ANTXRL: variants seen among roughly 807,000 people sequenced by gnomAD.
The protein encoded by ANTXRL is anthrax toxin receptor-like.
Under a neutral mutation model 75.4 loss-of-function variants are expected in ANTXRL, and 63 were observed. That is an observed-to-expected ratio of 0.84 (90% CI 0.68 to 1.03). ANTXRL has a LOEUF of 1.03. Ranked by LOEUF, ANTXRL falls within the 50% of genes least tolerant of loss-of-function variation. The probability of loss-of-function intolerance (pLI) is 0.00; values close to 1 mark genes in which losing one functional copy is unlikely to be tolerated. For synonymous variants in ANTXRL, 335 were observed against 291.3 expected (o/e 1.15, Z -1.53); for missense variants, 797 against 789.4 (o/e 1.01, Z -0.12).
intron 1 of ANTXRL, among the ~76,000 whole-genome samples, chr10:46,288,981 C>G (rs1385359495): frequency 2.0e-5 from 3 of 152,134 alleles, no homozygotes; most frequent in African/African-American, 7.2e-5. Flanking sequence ...AGGGAATGAC[C>G]CACCACAGCC....
intron 2 of ANTXRL, 95 bp from the exon 3 acceptor site, chr10:46,293,734 G>A (rs1588792761): frequency 2.9e-5 from 30 of 1,024,958 alleles, no homozygotes; most frequent in Middle Eastern, 4.0e-4. Flanking sequence ...GCTCCAAAGC[G>A]GAAGAGTTGG....
intron 5 of ANTXRL, 41 bp from the exon 6 acceptor site, chr10:46,297,211 G>C (rs1837432182): frequency 6.7e-7 from 1 of 1,502,724 alleles, no homozygotes; most frequent in Admixed American, 2.0e-5. Flanking sequence ...GGTCACTCCT[G>C]GTGCCTTTGC....
intron 14 of ANTXRL, 151 bp from the exon 15 acceptor site, chr10:46,311,359 T>A (rs1838411712): frequency 2.6e-6 from 3 of 1,137,686 alleles, no homozygotes; most frequent in Non-Finnish European, 3.5e-6. Context: ...GTCTGCCAAC[T>A]AGGAGGAGTT....
intron 12 of ANTXRL, among the ~76,000 whole-genome samples, chr10:46,308,301 G>T (rs1838212353): frequency 6.6e-6 from 1 of 152,060 alleles, no homozygotes; most frequent in Non-Finnish European, 1.5e-5. Flanking sequence ...GACACATCAG[G>T]AGCAGCCATG....
In ANTXRL at chr10:46,321,665, C is replaced by T. The variant is rs188267366; in HGVS notation, c.1411-7934C>T. Among the ~76,000 whole-genome samples the T allele has an allele frequency of 3.1e-3, 478 of 152,272 alleles. 4 individuals carry two copies. Among genetic ancestry groups the T allele is most frequent in the Non-Finnish European group, 5.0e-3 (340 of 68,034 alleles). On this transcript the variant is annotated intron_variant, in intron 16 of 16. Transcript: ENST00000620264. ...CAGTCAGTGCATCATAAAAAGCTTC[C>T]TTTACCTGGTGAGAATACACTTTGA...
chr10:46,300,771 T>A (rs1477816476), intron 9 of ANTXRL, among the ~76,000 whole-genome samples: 2 of 152,180 alleles, frequency 1.3e-5, no homozygotes, highest in African/African-American at 2.4e-5. Context: ...GTCCCTCTCA[T>A]CAGTCACTTG....
chr10:46,302,606 C>T, intron 9 of ANTXRL, 116 bp from the exon 10 acceptor site: 2 of 707,868 alleles, frequency 2.8e-6, no homozygotes. Flanking sequence ...CAGCTCTTTC[C>T]TTACAGGAGC....
At chr10:46,308,426 T>TCC in intron 12 of ANTXRL, 1 of 72,110 alleles carries the variant, frequency 1.4e-5, no homozygotes, top group Non-Finnish European at 2.8e-5. Flanking sequence ...TCCCCTCCCC[T>TCC]CCTCTCCACT....
chr10:46,295,470 G>GTTAGAA (rs1837312576), intron 3 of ANTXRL, among the ~76,000 whole-genome samples: 1 of 117,918 alleles, frequency 8.5e-6, no homozygotes, highest in African/African-American at 3.0e-5. Flanking sequence ...TTGGGTTAGA[G>GTTAGAA]TTAGAGTTAG....
rs1322394393 is a variant in ANTXRL at position 46,287,129 on chromosome 10, C to T, written c.-134C>T. On this transcript the variant is annotated 5_prime_UTR_variant, in exon 1 of 17. Transcript: ENST00000620264. ...ACCTGGTGGAGGGCCATAGTGTGCA[C>T]TGGTGAAAGGGCAGGAGGAGGGGTG... The T allele has an allele frequency of 2.0e-5, 24 of 1,187,290 alleles. No individual in the cohort carries two copies. Among genetic ancestry groups the T allele is most frequent in the Non-Finnish European group, 2.6e-5 (23 of 870,878 alleles). 73.5% of individuals were successfully genotyped at this position (1,187,290 alleles called of 1,614,324 possible).
intron 14 of ANTXRL, among the ~76,000 whole-genome samples, chr10:46,310,833 G>T (rs1460367332): frequency 6.6e-6 from 1 of 152,160 alleles, no homozygotes; most frequent in Non-Finnish European, 1.5e-5. Flanking sequence ...TGGAAAAGGA[G>T]CCCCGTGTTT....
intron 16 of ANTXRL, among the ~76,000 whole-genome samples, chr10:46,323,799 A>C (rs1009501385): frequency 3.3e-5 from 5 of 152,254 alleles, no homozygotes; most frequent in African/African-American, 1.2e-4. Context: ...GGCTGTCATA[A>C]GGCCAGTTTC....
Position 46,311,627 on chromosome 10 carries a change from T to C in ANTXRL, c.1291T>C (p.Cys431Arg), listed in dbSNP as rs185758782. The C allele has an allele frequency of 2.0e-5, 27 of 1,318,714 alleles. No individual in the cohort carries two copies. In the Admixed American group the frequency reaches 4.7e-4, roughly 23 times the overall value. The allele number at this position is 1,318,714 out of a possible 1,614,324, so 81.7% of individuals were successfully genotyped here. A position where few individuals can be genotyped will look rare whatever the true frequency, so the allele number is the denominator to read the frequency against. Residue 431 changes from cysteine (C) to arginine (R), a missense_variant, in exon 15 of 17, where the codon TGT (cysteine) becomes CGT (arginine). By Grantham distance (180) the Cys-to-Arg change is radical. Transcript: ENST00000620264. ...NTCPTVIICC[C>R]GCQGVGGMRR... ...CTGCCCCACTGTGATTATTTGTTGC[T>C]GTGGATGCCAAGGAGTGGGCGGGAT...
At chr10:46,305,057 A>T (rs1332962035) in intron 10 of ANTXRL, among the ~76,000 whole-genome samples, 1 of 152,204 alleles carries the variant, frequency 6.6e-6, no homozygotes, top group Non-Finnish European at 1.5e-5. Flanking sequence ...CTTATTTTTT[A>T]AAATAATTGA....
At chr10:46,300,326 C>T (rs1386316169) in intron 9 of ANTXRL, among the ~76,000 whole-genome samples, 3 of 152,166 alleles carry the variant, frequency 2.0e-5, no homozygotes, top group Non-Finnish European at 4.4e-5. Flanking sequence ...CAGGCTGCCA[C>T]TGAGAAGCCA....
At chr10:46,305,769 A>C (rs1176624369) in intron 10 of ANTXRL, among the ~76,000 whole-genome samples, 1 of 152,134 alleles carries the variant, frequency 6.6e-6, no homozygotes, top group African/African-American at 2.4e-5. Flanking sequence ...AGATACATAA[A>C]TAAACAAAAA....
chr10:46,290,874 C>G (rs1314133891), intron 1 of ANTXRL, among the ~76,000 whole-genome samples: 2 of 152,062 alleles, frequency 1.3e-5, no homozygotes, highest in African/African-American at 4.8e-5. Context: ...AATATTTCCT[C>G]CCATTCTGCA....
chr10:46,320,679 C>G (rs1311312862), intron 16 of ANTXRL, among the ~76,000 whole-genome samples: 1 of 152,118 alleles, frequency 6.6e-6, no homozygotes, highest in Non-Finnish European at 1.5e-5. Context: ...TTGCAGTGAA[C>G]CAAGATCATG....
intron 16 of ANTXRL, among the ~76,000 whole-genome samples, chr10:46,318,849 C>G (rs1243486693): frequency 6.6e-6 from 1 of 152,106 alleles, no homozygotes; most frequent in Non-Finnish European, 1.5e-5. Context: ...AATAGGGCAG[C>G]CCTCAGAATC....
Sources: allele counts gnomAD v4.1 joint callset (sites outside exome capture counted in the v4.1 genomes callset), GRCh38; gene constraint gnomAD v4.1.1; transcripts MANE v1.5; gene names NCBI Gene and HGNC (gene_info 2026-07-23, HGNC 2026-07-21).